DOCK8: variants seen among roughly 807,000 people sequenced by gnomAD.
DOCK8 encodes dedicator of cytokinesis 8, also known as dedicator of cytokinesis protein 8.
In DOCK8, 141 loss-of-function variants were observed where a neutral mutation model predicts 245.6. The ratio of observed to expected loss-of-function variants is 0.57; its 90% CI spans 0.50 to 0.66. DOCK8 has a LOEUF of 0.66. DOCK8 is among the 30% of genes least tolerant of loss of function. The pLI, the probability that DOCK8 is intolerant of heterozygous loss-of-function variation, is 0.00. For synonymous variants in DOCK8, 1,168 were observed against 970.2 expected, an observed-to-expected ratio of 1.20 and a Z score of -3.79; for missense variants, 2,965 against 2,603.4, an observed-to-expected ratio of 1.14 and a Z score of -3.02.
chr9:355,068 A>G (rs1002591036), intron 14 of DOCK8, among the ~76,000 whole-genome samples: 10 of 152,118 alleles, frequency 6.6e-5, no homozygotes, highest in African/African-American at 2.4e-4. Context: ...GCTACAAAAC[A>G]TTGAACTGGG....
chr9:271,480 C>A, intron 1 of DOCK8, 147 bp from the exon 2 acceptor site: 1 of 651,230 alleles, frequency 1.5e-6, no homozygotes, highest in Non-Finnish European at 2.7e-6. Context: ...TGTCCACTAA[C>A]AGGCCACTGA....
intron 2 of DOCK8, among the ~76,000 whole-genome samples, chr9:276,025 G>A (rs780724288): frequency 7.2e-5 from 11 of 151,922 alleles, no homozygotes; most frequent in Non-Finnish European, 1.5e-4. Context: ...TGAGTAGCTG[G>A]GATTACAGGC....
chr9:281,827 G>A (rs902936050), intron 2 of DOCK8, among the ~76,000 whole-genome samples: 1 of 152,206 alleles, frequency 6.6e-6, no homozygotes, highest in Non-Finnish European at 1.5e-5. Flanking sequence ...CTTGCCAAGG[G>A]CAAGACTAGT....
chr9:411,586 C>G (rs1299434669), intron 28 of DOCK8, among the ~76,000 whole-genome samples: 2 of 152,056 alleles, frequency 1.3e-5, no homozygotes, highest in Non-Finnish European at 2.9e-5. Context: ...TGGAATACTT[C>G]CCCACTTGTT....
intron 1 of DOCK8, among the ~76,000 whole-genome samples, chr9:217,061 A>T (rs2046773286): frequency 6.6e-6 from 1 of 152,200 alleles, no homozygotes; most frequent in South Asian, 2.1e-4. Flanking sequence ...AATAATAGGT[A>T]CAAAGTCCGA....
chr9:258,186 C>T (rs10966495), intron 1 of DOCK8, among the ~76,000 whole-genome samples: 13,510 of 152,288 alleles, frequency 0.089, 652 homozygotes, highest in South Asian at 0.12. Context: ...GTGTATTTCA[C>T]AACTGCAATC....
upstream of DOCK8, chr9:214,776 G>T: frequency 1.3e-6 from 2 of 1,545,162 alleles, no homozygotes; most frequent in Non-Finnish European, 1.7e-6. Flanking sequence ...CCGGGTGGCG[G>T]AGCCGGCCGT....
chr9:240,764 C>G (rs571823588), intron 1 of DOCK8, among the ~76,000 whole-genome samples: 62 of 152,162 alleles, frequency 4.1e-4, no homozygotes, highest in Non-Finnish European at 7.1e-4. Context: ...ACCCTGCTTC[C>G]CTCATGAAAC....
At chr9:311,888 A>C (rs113085112) in intron 5 of DOCK8, 66 bp from the exon 6 acceptor site, 14 of 1,588,522 alleles carry the variant, frequency 8.8e-6, no homozygotes, top group Non-Finnish European at 1.0e-5. Flanking sequence ...GAGACATCCA[A>C]GATTCTTCGG....
intron 36 of DOCK8, among the ~76,000 whole-genome samples, chr9:430,332 C>G (rs1385254889): frequency 3.3e-5 from 5 of 152,030 alleles, no homozygotes; most frequent in Admixed American, 6.6e-5. Flanking sequence ...CGAGATTGCC[C>G]CATTTCACTC....
chr9:257,320 C>G (rs1014384357), intron 1 of DOCK8, among the ~76,000 whole-genome samples: 2 of 152,114 alleles, frequency 1.3e-5, no homozygotes, highest in Non-Finnish European at 2.9e-5. Context: ...TTCAAATTAA[C>G]TAGATAGTCA....
rs1283722376 is a variant in DOCK8 at position 403,932 on chromosome 9, GTATATATATATGTGTA to G, written c.3235-972_3235-957del. 5.1e-4 allele frequency among the ~76,000 whole-genome samples: 41 copies of G among 80,508 alleles called. 1 individual carries two copies. Among genetic ancestry groups the G allele is most frequent in the Non-Finnish European group, 6.9e-4 (31 of 44,988 alleles). 52.8% of individuals were successfully genotyped at this position (80,508 alleles called of 152,430 possible). A position where few individuals can be genotyped will look rare whatever the true frequency, so the allele number is the denominator to read the frequency against. ...TATATATATACATATATATATATGTGTATATATATATGTGTATATATATATATGTATATATATATAT... is the reference window on the plus strand; with the variant it reads ...TATATATATACATATATATATATGTGTATATATATATGTATATATATATAT... On this transcript the variant is annotated intron_variant, in intron 26 of 47. Transcript: ENST00000432829.
chr9:375,628 G>A (rs150378973), intron 18 of DOCK8, among the ~76,000 whole-genome samples: 82 of 152,246 alleles, frequency 5.4e-4, no homozygotes, highest in African/African-American at 1.7e-3. Context: ...AGATTACACC[G>A]TTCAGCCCTC....
chr9:322,944 T>G (rs1182207332), intron 7 of DOCK8, among the ~76,000 whole-genome samples: 1 of 151,980 alleles, frequency 6.6e-6, no homozygotes, highest in Non-Finnish European at 1.5e-5. Flanking sequence ...TATACAAAAA[T>G]TAGCTGGGTG....
At chr9:413,939 C>T (rs4741871) in intron 28 of DOCK8, among the ~76,000 whole-genome samples, 31,116 of 152,012 alleles carry the variant, frequency 0.2, 3,631 homozygotes, top group East Asian at 0.52. Flanking sequence ...GCCAGGAGTT[C>T]GAGACCAGCC....
In DOCK8 at chr9:215,043, C is replaced by T. The variant is rs756810591; in HGVS notation, c.53+14C>T. On this transcript the variant is annotated intron_variant, in intron 1 of 47. Transcript: ENST00000432829. The stretch of plus-strand genomic sequence containing the variant: ...CAAGATCAACAGGTAAGACGCCCCC[C>T]GCGGCGCGCAGGTTGCGGCCGGACA... 1.9e-6 allele frequency: 3 copies of T among 1,570,786 alleles called. No individual in the cohort carries two copies. Among genetic ancestry groups the T allele is most frequent in the East Asian group, 2.4e-5 (1 of 42,400 alleles).
At chr9:410,200 A>G (rs538326552) in intron 28 of DOCK8, among the ~76,000 whole-genome samples, 28 of 152,324 alleles carry the variant, frequency 1.8e-4, no homozygotes, top group African/African-American at 6.0e-4. Context: ...TCCTGTGAAT[A>G]TATTTGAGTA....
chr9:390,203 G>A (rs1486330742), intron 23 of DOCK8, among the ~76,000 whole-genome samples: 2 of 152,074 alleles, frequency 1.3e-5, no homozygotes, highest in African/African-American at 4.8e-5. Context: ...GTAGAATAGA[G>A]TTTCACTCCC....
chr9:348,979 G>A (rs1163007870), intron 14 of DOCK8, among the ~76,000 whole-genome samples: 1 of 152,210 alleles, frequency 6.6e-6, no homozygotes, highest in Non-Finnish European at 1.5e-5. Context: ...CTTAATGGAT[G>A]TCCTGTGGTT....
Sources: gnomAD v4.1 joint callset for allele counts (sites outside exome capture counted in the v4.1 genomes callset) on GRCh38, gnomAD v4.1.1 for gene constraint, MANE v1.5 for transcripts, NCBI Gene and HGNC (gene_info 2026-07-23, HGNC 2026-07-21) for gene names.